Variants in EIF3H observed in about 807,000 individuals in gnomAD.
EIF3H encodes eIF-3-gamma.
A neutral mutation model predicts 44.2 loss-of-function variants in EIF3H; 26 were observed. The observed-to-expected ratio is 0.59, with a 90% CI of 0.43 to 0.82. EIF3H has a LOEUF of 0.82. Ranked by LOEUF, EIF3H falls within the 40% of genes least tolerant of loss-of-function variation. The pLI is 0.00. For missense variants in EIF3H, 359 were observed against 432.8 expected (o/e 0.83, Z 1.51); for synonymous variants, 166 against 151.9 (o/e 1.09, Z -0.68).
chr8:116,736,663 CA>C (rs554777998), intron 1 of EIF3H, among the ~76,000 whole-genome samples: 75 of 142,646 alleles, frequency 5.3e-4, no homozygotes, highest in African/African-American at 1.3e-3. Flanking sequence ...CTCCGTCTCA[CA>C]AAAAAAAAAG....
At chr8:116,720,973 G>A (rs539821608) in intron 2 of EIF3H, among the ~76,000 whole-genome samples, 1 of 152,098 alleles carries the variant, frequency 6.6e-6, no homozygotes, top group Non-Finnish European at 1.5e-5. Context: ...CGATAGAAAA[G>A]AAAAGCCCAT....
At chr8:116,675,884 G>A (rs1202014052) in intron 2 of EIF3H, among the ~76,000 whole-genome samples, 1 of 152,030 alleles carries the variant, frequency 6.6e-6, no homozygotes, top group Non-Finnish European at 1.5e-5. Flanking sequence ...ACATAAAAAA[G>A]CATTCTAGAA....
intron 2 of EIF3H, among the ~76,000 whole-genome samples, chr8:116,705,716 A>C (rs1212440485): frequency 2.6e-5 from 4 of 152,194 alleles, no homozygotes; most frequent in African/African-American, 9.6e-5. Context: ...GGGCCTAAGG[A>C]GACATAACCA....
At chr8:116,715,476 T>C (rs1247920267) in intron 2 of EIF3H, among the ~76,000 whole-genome samples, 7 of 152,104 alleles carry the variant, frequency 4.6e-5, no homozygotes. Flanking sequence ...AACTGAATTT[T>C]AGGAGTACAA....
At chr8:116,686,984 T>C (rs1178284160) in intron 2 of EIF3H, among the ~76,000 whole-genome samples, 1 of 152,092 alleles carries the variant, frequency 6.6e-6, no homozygotes, top group Non-Finnish European at 1.5e-5. Flanking sequence ...CAGGGAAACT[T>C]AGACTTTACT....
chr8:116,755,592 G>C (rs1427037968), intron 1 of EIF3H, 74 bp downstream of exon 1: 2 of 1,595,500 alleles, frequency 1.3e-6, no homozygotes, highest in Non-Finnish European at 1.7e-6. Context: ...GAGAATGCTA[G>C]AAAGTACGTC....
At chr8:116,656,075 A>G in intron 4 of EIF3H, 70 bp from the exon 5 acceptor site, 1 of 1,453,654 alleles carries the variant, frequency 6.9e-7, no homozygotes, top group Non-Finnish European at 9.4e-7. Flanking sequence ...ACTTCATAAA[A>G]TTTACCTAAT....
chr8:116,718,618 C>T (rs537602480), intron 2 of EIF3H, among the ~76,000 whole-genome samples: 8 of 150,924 alleles, frequency 5.3e-5, no homozygotes, highest in Admixed American at 2.0e-4. Flanking sequence ...TGAAGTAACT[C>T]GGGAATGGAA....
chr8:116,655,957 C>G lies in EIF3H; in HGVS notation c.606G>C (p.Pro202=). The part of the protein sequence containing the change: ...ITFEYMFEEV[P]IVIKNSHLIN... Reference sequence around the variant, plus strand: ...TCAGATGTGAATTTTTAATTACAATCGGCACTTCTTCAAACATGTACTCAA... The same window carrying G: ...TCAGATGTGAATTTTTAATTACAATGGGCACTTCTTCAAACATGTACTCAA... The change falls in exon 5 of 8, where the codon CCG becomes CCC. Residue 202 remains proline (P), a synonymous_variant. Transcript: ENST00000521861. The G allele has an allele frequency of 1.2e-6, 2 of 1,613,512 alleles. No individual in the cohort carries two copies. Among genetic ancestry groups the G allele is most frequent in the South Asian group, 2.2e-5 (2 of 91,056 alleles).
chr8:116,664,734 G>C (rs1163836685), intron 2 of EIF3H, among the ~76,000 whole-genome samples: 1 of 151,502 alleles, frequency 6.6e-6, no homozygotes, highest in Non-Finnish European at 1.5e-5. Flanking sequence ...GTGTTATTAG[G>C]GAACTCTTAA....
intron 2 of EIF3H, among the ~76,000 whole-genome samples, chr8:116,717,990 A>G (rs1814682017): frequency 6.6e-6 from 1 of 152,144 alleles, no homozygotes; most frequent in African/African-American, 2.4e-5. Context: ...CACAATCTAT[A>G]TAACCGACAA....
intron 2 of EIF3H, 80 bp downstream of exon 2, chr8:116,725,936 T>C: frequency 1.4e-6 from 2 of 1,450,674 alleles, no homozygotes; most frequent in Non-Finnish European, 9.2e-7. Context: ...AATTCACACA[T>C]TATCAAAAGT....
At chr8:116,736,759 G>A (rs948858069) in intron 1 of EIF3H, among the ~76,000 whole-genome samples, 1 of 152,110 alleles carries the variant, frequency 6.6e-6, no homozygotes, top group East Asian at 1.9e-4. Flanking sequence ...TCATACATGC[G>A]CTGACTCCCA....
At chr8:116,674,067 C>CAAAAAAAAAAAAAAAAAAAAAA (rs59899280) in intron 2 of EIF3H, among the ~76,000 whole-genome samples, 1 of 49,660 alleles carries the variant, frequency 2.0e-5, no homozygotes, top group African/African-American at 9.2e-5. Flanking sequence ...AAGACTGTCT[C>CAAAAAAAAAAAAAAAAAAAAAA]AAAAAAAAAA....
In EIF3H at chr8:116,648,905, T is replaced by C. The variant is rs1371185337; in HGVS notation, c.729A>G (p.Leu243=). 1.9e-6 allele frequency: 3 copies of C among 1,611,428 alleles called. No individual in the cohort carries two copies. Among genetic ancestry groups the C allele is most frequent in the African/African-American group, 2.7e-5 (2 of 74,816 alleles). Reference sequence around the variant, plus strand: ...CATCCACTCTGTCCATCAGCAACTGTAGATTCTTCCCCAAATGATTGCTGA... The same window carrying C: ...CATCCACTCTGTCCATCAGCAACTGCAGATTCTTCCCCAAATGATTGCTGA... ...LASSNHLGKN[L]QLLMDRVDEM... The change falls in exon 6 of 8, where the codon CTA becomes CTG. Residue 243 remains leucine (L), a synonymous_variant. Transcript: ENST00000521861.
At chr8:116,728,274 G>C (rs1469620938) in intron 1 of EIF3H, among the ~76,000 whole-genome samples, 1 of 59,008 alleles carries the variant, frequency 1.7e-5, no homozygotes, top group Non-Finnish European at 3.4e-5. Context: ...AACCACCTTA[G>C]GAGAAAGGTA....
intron 2 of EIF3H, among the ~76,000 whole-genome samples, chr8:116,705,497 C>A (rs985117562): frequency 1.5e-5 from 2 of 129,088 alleles, no homozygotes; most frequent in East Asian, 2.0e-4. Context: ...TTACACCCCC[C>A]CCCACCACCA....
rs770487976 is a variant in EIF3H at position 116,740,424 on chromosome 8, C to T, written c.133-14252G>A. Among the ~76,000 whole-genome samples the T allele has an allele frequency of 3.3e-5, 5 of 152,144 alleles. No individual in the cohort carries two copies. In the South Asian group the frequency reaches 1.0e-3, roughly 31 times the overall value. On this transcript the variant is annotated intron_variant, in intron 1 of 7. Transcript: ENST00000521861. ...TTCTACAGGAGATGACAGGCATACT[C>T]CTCCACTGAGGTCAGATCACGACTC... is the stretch of plus-strand genomic sequence containing the variant.
At chr8:116,682,461 C>T (rs1181956641) in intron 2 of EIF3H, among the ~76,000 whole-genome samples, 4 of 152,090 alleles carry the variant, frequency 2.6e-5, no homozygotes, top group Admixed American at 2.6e-4. Flanking sequence ...GTAGGCACTC[C>T]CTCCAAAAAC....
Sources: allele counts gnomAD v4.1 joint callset (sites outside exome capture counted in the v4.1 genomes callset), GRCh38; gene constraint gnomAD v4.1.1; transcripts MANE v1.5; gene names NCBI Gene and HGNC (gene_info 2026-07-23, HGNC 2026-07-21).